Variants in PLEKHG3 observed in about 807,000 individuals in gnomAD.
The protein encoded by PLEKHG3 is pleckstrin homology domain-containing family G member 3.
Under a neutral mutation model 94.9 loss-of-function variants are expected in PLEKHG3, and 62 were observed. The ratio of observed to expected loss-of-function variants is 0.65; its 90% CI spans 0.53 to 0.81. The LOEUF (loss-of-function observed/expected upper bound fraction) is 0.81. PLEKHG3 is among the 30% of genes least tolerant of loss of function. The probability of loss-of-function intolerance (pLI) is 0.00; values close to 1 mark genes in which losing one functional copy is unlikely to be tolerated. For missense variants in PLEKHG3, 1,461 were observed against 1,619.3 expected (o/e 0.90, Z 1.68); for synonymous variants, 614 against 654.0 (o/e 0.94, Z 0.93).
In PLEKHG3 at chr14:64,731,847, C is replaced by T. The variant is rs1046899453; in HGVS notation, c.1125+41C>T. ...GGCTCAGGGGCTAGGGAACAAGATG[C>T]CCAGGGGACACCTGCGTGGGACTCC... On this transcript the variant is annotated intron_variant, in intron 9 of 16. Transcript: ENST00000247226. The surrounding 1 kb of genome is among the most constrained non-coding windows in gnomAD (Gnocchi z 6.1). 7.1e-7 allele frequency: 1 copy of T among 1,410,860 alleles called. No homozygotes were observed. Among genetic ancestry groups the T allele is most frequent in the Admixed American group, 1.7e-5 (1 of 59,518 alleles). The allele number at this position is 1,410,860 out of a possible 1,614,324, so 87.4% of individuals were successfully genotyped here. A position where few individuals can be genotyped will look rare whatever the true frequency, so the allele number is the denominator to read the frequency against.
rs918347434 is a variant in PLEKHG3 at position 64,749,220 on chromosome 14, C to T, written c.*5517C>T. On this transcript the variant is annotated 3_prime_UTR_variant, in exon 17 of 17. Transcript: ENST00000247226. The surrounding 1 kb of genome is among the most constrained non-coding windows in gnomAD (Gnocchi z 4.7). ...GCGACTCGACTCATCTCGATTCGAC[C>T]GGCGGGCGGCGGCGAGAGGAGGCCA... 1.0e-5 allele frequency: 15 copies of T among 1,477,122 alleles called. No individual in the cohort carries two copies. The Admixed American group carries it at 2.8e-4, about 28-fold the overall frequency. The allele number at this position is 1,477,122 out of a possible 1,614,324, so 91.5% of individuals were successfully genotyped here.
In PLEKHG3 at chr14:64,730,416, A is replaced by C; in HGVS notation, c.519+104A>C. 1.1e-5 allele frequency: 9 copies of C among 851,354 alleles called. No homozygotes were observed. Among genetic ancestry groups the C allele is most frequent in the Non-Finnish European group, 1.7e-5 (9 of 526,620 alleles). 52.7% of individuals were successfully genotyped at this position (851,354 alleles called of 1,614,324 possible). The stretch of plus-strand genomic sequence containing the variant: ...ATCTGAGTCCTGGGGATTCCTTTCC[A>C]GGGAAAGTCCTGGGTGCTCTATCTT... On this transcript the variant is annotated intron_variant, in intron 4 of 16. Coordinates refer to ENST00000247226, the MANE Select transcript of PLEKHG3 (RefSeq NM_001308147.2). This position sits in a 1 kb window ranked among gnomAD's most constrained non-coding sequence, Gnocchi z 5.4.
Position 64,738,787 on chromosome 14 carries a change from C to A in PLEKHG3, c.1450C>A (p.Pro484Thr). The change falls in exon 15 of 17, where the codon CCC becomes ACC. Residue 484 changes from proline to threonine, a missense_variant. By Grantham distance (38) the Pro-to-Thr change is conservative. This residue lies in a region of PLEKHG3 where 1,201 missense variants were observed against 1,295.5 expected (regional missense o/e 0.93). Transcript: ENST00000247226. The surrounding 1 kb of genome is among the most constrained non-coding windows in gnomAD (Gnocchi z 4.8). ...TGAAAGCTCCAGGAGCAGCAGAAGG[C>A]CCAGTGGCCGGTCTCCAACCAGTAC... ...ESESSRSSRRPSGRSPTSTEK... is the reference protein window; with the variant it reads ...ESESSRSSRRTSGRSPTSTEK... 2 of 1,600,378 alleles carry A rather than the reference C, an allele frequency of 1.2e-6. No homozygotes were observed. Among genetic ancestry groups the A allele is most frequent in the Non-Finnish European group, 1.7e-6 (2 of 1,173,128 alleles).
Position 64,739,298 on chromosome 14 carries a change from C to T in PLEKHG3, c.1518+443C>T, listed in dbSNP as rs1264883932. Among the ~76,000 whole-genome samples the T allele has an allele frequency of 6.6e-6, 1 of 152,180 alleles. No individual in the cohort carries two copies. Among genetic ancestry groups the T allele is most frequent in the African/African-American group, 2.4e-5 (1 of 41,428 alleles). The stretch of plus-strand genomic sequence containing the variant: ...TGATGTGTTATTTCTTCCTACTCTT[C>T]CCCACAATGGCTCTAGAAGGAAAAG... On this transcript the variant is annotated intron_variant, in intron 15 of 16. Coordinates refer to ENST00000247226, the MANE Select transcript of PLEKHG3 (RefSeq NM_001308147.2). This position sits in a 1 kb window ranked among gnomAD's most constrained non-coding sequence, Gnocchi z 4.1.
chr14:64,716,469 ACAC>A lies in PLEKHG3; in HGVS notation c.-39-11123_-39-11121del, dbSNP rs1566693939. Among the ~76,000 whole-genome samples the A allele has an allele frequency of 9.9e-3, 1,239 of 125,000 alleles. 17 individuals are homozygous for A. The highest frequency in any genetic ancestry group is 0.016 in the South Asian group (63 of 3,958). The allele number at this position is 125,000 out of a possible 152,430, so 82.0% of individuals were successfully genotyped here. A position where few individuals can be genotyped will look rare whatever the true frequency, so the allele number is the denominator to read the frequency against. On this transcript the variant is annotated intron_variant, in intron 1 of 16. Transcript: ENST00000247226. The surrounding 1 kb of genome is among the most constrained non-coding windows in gnomAD (Gnocchi z 5.0). ...ACACACACACACACACACACACAAC[ACAC>A]ACACACACAACACACACACACACAA...
intron 12 of PLEKHG3, among the ~76,000 whole-genome samples, chr14:64,734,768 T>G (rs967501848): frequency 2.8e-5 from 4 of 141,032 alleles, no homozygotes; most frequent in Non-Finnish European, 4.6e-5. Context: ...TCACCCAGGC[T>G]GGAGTGCAGT....
In PLEKHG3 at chr14:64,716,551, A is replaced by ACACACACACACACACACAC. The variant is rs1262175918; in HGVS notation, c.-39-11042_-39-11041insCACACACACACACACACAC. On this transcript the variant is annotated intron_variant, in intron 1 of 16. Transcript: ENST00000247226. The surrounding 1 kb of genome is among the most constrained non-coding windows in gnomAD (Gnocchi z 5.0). Reference sequence around the variant, plus strand: ...CACACACACACACACACACACACACAAAGCAGAGTTAATCTCCCACTTCTT... The same window carrying ACACACACACACACACACAC: ...CACACACACACACACACACACACACACACACACACACACACACACAAGCAGAGTTAATCTCCCACTTCTT... 1.4e-5 allele frequency among the ~76,000 whole-genome samples: 2 copies of ACACACACACACACACACAC among 146,574 alleles called. No homozygotes were observed. Among genetic ancestry groups the ACACACACACACACACACAC allele is most frequent in the Non-Finnish European group, 1.5e-5 (1 of 66,592 alleles).
chr14:64,742,250 C>T lies in PLEKHG3; in HGVS notation c.2733C>T (p.Ser911=), dbSNP rs769403996. 1 of 1,613,116 alleles carries T rather than the reference C, an allele frequency of 6.2e-7. No individual in the cohort carries two copies. Among genetic ancestry groups the T allele is most frequent in the Non-Finnish European group, 8.5e-7 (1 of 1,180,026 alleles). ...APLHPRIVQL[S]HVMDSHVSER... The stretch of plus-strand genomic sequence containing the variant: ...TGCACCCCCGCATCGTGCAGCTCTC[C>T]CACGTAATGGACAGCCACGTGAGCG... Residue 911 remains serine, a synonymous_variant, in exon 16 of 17, where the codon TCC becomes TCT. Transcript: ENST00000247226.
In PLEKHG3 at chr14:64,720,171, T is replaced by C. The variant is rs1321572934; in HGVS notation, c.-39-7422T>C. 6.6e-6 allele frequency among the ~76,000 whole-genome samples: 1 copy of C among 152,256 alleles called. No homozygotes were observed. Among genetic ancestry groups the C allele is most frequent in the African/African-American group, 2.4e-5 (1 of 41,466 alleles). On this transcript the variant is annotated intron_variant, in intron 1 of 16. Transcript: ENST00000247226. This position sits in a 1 kb window ranked among gnomAD's most constrained non-coding sequence, Gnocchi z 4.1. ...GGACATTTGCAGGGAGACCAGATCATCACAGCCCCTTTTCTAAACTTGGCT... is the reference window on the plus strand; with the variant it reads ...GGACATTTGCAGGGAGACCAGATCACCACAGCCCCTTTTCTAAACTTGGCT...
At chr14:64,707,497 A>T (rs1486350939) in intron 1 of PLEKHG3, among the ~76,000 whole-genome samples, 1 of 152,256 alleles carries the variant, frequency 6.6e-6, no homozygotes, top group Non-Finnish European at 1.5e-5. Context: ...TACAATAATT[A>T]TTGACCCAGT....
chr14:64,732,832 C>G lies in PLEKHG3; in HGVS notation c.1276C>G (p.Arg426Gly), dbSNP rs773983219. 6.2e-7 allele frequency: 1 copy of G among 1,609,914 alleles called. No individual in the cohort carries two copies. Among genetic ancestry groups the G allele is most frequent in the Admixed American group, 1.7e-5 (1 of 59,444 alleles). ...YPNRYRCSPE[R>G]LKKAWSSQDE... ...CAATCGGTACCGCTGCAGCCCAGAGCGGCTGAAGAAGGCTTGGTCCTCCCA... is the reference window on the plus strand; with the variant it reads ...CAATCGGTACCGCTGCAGCCCAGAGGGGCTGAAGAAGGCTTGGTCCTCCCA... Residue 426 changes from arginine to glycine, a missense_variant, in exon 12 of 17, where the codon CGG becomes GGG. By Grantham distance (125) the Arg-to-Gly change is moderately radical. Coordinates refer to ENST00000247226, the MANE Select transcript of PLEKHG3 (RefSeq NM_001308147.2). The surrounding 1 kb of genome is among the most constrained non-coding windows in gnomAD (Gnocchi z 4.9).
chr14:64,719,164 A>AG (rs1439677466), intron 1 of PLEKHG3, among the ~76,000 whole-genome samples: 1 of 152,226 alleles, frequency 6.6e-6, no homozygotes, highest in Non-Finnish European at 1.5e-5. Flanking sequence ...TTGAGATCAT[A>AG]GAAGATGGAT....
intron 13 of PLEKHG3, 34 bp from the exon 14 acceptor site, chr14:64,737,322 C>CGTGT (rs764393788): frequency 1.3e-6 from 2 of 1,592,576 alleles, no homozygotes; most frequent in Admixed American, 3.4e-5. Flanking sequence ...GCCCCTCGCC[C>CGTGT]GTGTGCTGGG....
chr14:64,749,424 G>T lies in PLEKHG3; in HGVS notation c.*5721G>T, dbSNP rs1201566052. The T allele has an allele frequency of 6.2e-7, 1 of 1,606,020 alleles. No homozygotes were observed. Among genetic ancestry groups the T allele is most frequent in the Non-Finnish European group, 8.5e-7 (1 of 1,179,496 alleles). Reference sequence around the variant, plus strand: ...CTGCGCCTTGACGCGGATGCTCTGGGACTCGTTGATGGCGGTGCTCACGCC... The same window carrying T: ...CTGCGCCTTGACGCGGATGCTCTGGTACTCGTTGATGGCGGTGCTCACGCC... On this transcript the variant is annotated 3_prime_UTR_variant, in exon 17 of 17. Transcript: ENST00000247226. This position sits in a 1 kb window ranked among gnomAD's most constrained non-coding sequence, Gnocchi z 4.7.
At position 64,743,770 on chromosome 14, in the gene PLEKHG3, C is replaced by T; in HGVS notation, c.*67C>T. 6.8e-7 allele frequency: 1 copy of T among 1,470,886 alleles called. No homozygotes were observed. Among genetic ancestry groups the T allele is most frequent in the Middle Eastern group, 1.8e-4 (1 of 5,524 alleles). The allele number at this position is 1,470,886 out of a possible 1,614,324, so 91.1% of individuals were successfully genotyped here. On this transcript the variant is annotated 3_prime_UTR_variant, in exon 17 of 17. Coordinates refer to ENST00000247226, the MANE Select transcript of PLEKHG3 (RefSeq NM_001308147.2). This position sits in a 1 kb window ranked among gnomAD's most constrained non-coding sequence, Gnocchi z 7.2. ...GGAAGAACCTGGGCATCCTTCCCCT[C>T]AAGCCTGGGCTCATGGAGCCCCTGC...
At position 64,727,026 on chromosome 14, in the gene PLEKHG3, C is replaced by T. The variant is rs899181304; in HGVS notation, c.-39-567C>T. Reference sequence around the variant, plus strand: ...TTCTTCACAACTGCCATTATTATCACCATATTGATGGTGTATGGAGCACGT... The same window carrying T: ...TTCTTCACAACTGCCATTATTATCATCATATTGATGGTGTATGGAGCACGT... On this transcript the variant is annotated intron_variant, in intron 1 of 16. Coordinates refer to ENST00000247226, the MANE Select transcript of PLEKHG3 (RefSeq NM_001308147.2). The surrounding 1 kb of genome is among the most constrained non-coding windows in gnomAD (Gnocchi z 6.0). 6.6e-6 allele frequency among the ~76,000 whole-genome samples: 1 copy of T among 152,164 alleles called. No homozygotes were observed. The highest frequency in any genetic ancestry group is 2.4e-5 in the African/African-American group (1 of 41,426).
intron 13 of PLEKHG3, 26 bp downstream of exon 13, chr14:64,736,917 T>C (rs2081582637): frequency 6.3e-7 from 1 of 1,596,308 alleles, no homozygotes; most frequent in Non-Finnish European, 8.6e-7. Context: ...GGCCAGCCAT[T>C]CCCAGTGAGC....
At chr14:64,709,718 A>C (rs1428957188) in intron 1 of PLEKHG3, among the ~76,000 whole-genome samples, 2 of 145,522 alleles carry the variant, frequency 1.4e-5, no homozygotes, top group African/African-American at 5.3e-5. Context: ...TTTACTTCCT[A>C]GGCTGTGAGA....
rs1443066116 is a variant in PLEKHG3 at position 64,747,943 on chromosome 14, G to A, written c.*4240G>A. Reference sequence around the variant, plus strand: ...TTCTCTTCCTCCAGAAGTATGACCTGAGCAGCAAGGGGAAGGCCATTCCTG... The same window carrying A: ...TTCTCTTCCTCCAGAAGTATGACCTAAGCAGCAAGGGGAAGGCCATTCCTG... On this transcript the variant is annotated 3_prime_UTR_variant, in exon 17 of 17. Coordinates refer to ENST00000247226, the MANE Select transcript of PLEKHG3 (RefSeq NM_001308147.2). 6.6e-6 allele frequency: 1 copy of A among 152,244 alleles called. No homozygotes were observed. Among genetic ancestry groups the A allele is most frequent in the Non-Finnish European group, 1.5e-5 (1 of 68,134 alleles). The allele number at this position is 152,244 out of a possible 1,614,324, so 9.4% of individuals were successfully genotyped here.
Sources: gnomAD v4.1 joint callset for allele counts (sites outside exome capture counted in the v4.1 genomes callset) on GRCh38, gnomAD v4.1.1 for gene constraint, gnomAD v4.1.1 regional missense constraint, Gnocchi (gnomAD v3.1) non-coding constraint, MANE v1.5 for transcripts, NCBI Gene and HGNC (gene_info 2026-07-23, HGNC 2026-07-21) for gene names.